The following ZNF782 variants were observed in gnomAD, a reference collection of about 807,000 sequenced individuals.
The protein encoded by ZNF782 is zinc finger protein 782.
In ZNF782, 12 loss-of-function variants were observed where a neutral mutation model predicts 13.0. The ratio of observed to expected loss-of-function variants is 0.92; its 90% CI spans 0.59 to 1.50. The LOEUF (loss-of-function observed/expected upper bound fraction) is 1.50, where lower values mean the gene tolerates loss of function less well. ZNF782 is among the 40% of genes most tolerant of loss of function. The pLI is 0.00. For missense variants in ZNF782, 770 were observed against 822.9 expected (o/e 0.94, Z 0.79); for synonymous variants, 284 against 283.0 (o/e 1.00, Z -0.04).
the ZNF782 span, among the ~76,000 whole-genome samples, chr9:96,884,625 C>T: frequency 2.6e-5 from 4 of 152,146 alleles, no homozygotes; most frequent in African/African-American, 9.7e-5. Flanking sequence ...TCAGAGGCAA[C>T]AAGGTGGTGT....
chr9:96,820,985 T>C (rs1850399339), intron 5 of ZNF782, among the ~76,000 whole-genome samples: 1 of 152,242 alleles, frequency 6.6e-6, no homozygotes, highest in Non-Finnish European at 1.5e-5. Context: ...TGCTAGTTTT[T>C]ATTGACTATG....
Position 96,818,278 on chromosome 9 carries a change from C to G in ZNF782, c.1745G>C (p.Arg582Thr). 6.2e-7 allele frequency: 1 copy of G among 1,614,016 alleles called. No individual in the cohort carries two copies. Among genetic ancestry groups the G allele is most frequent in the Non-Finnish European group, 8.5e-7 (1 of 1,179,996 alleles). The change falls in exon 6 of 6, where the codon AGA (arginine) becomes ACA (threonine). Residue 582 changes from arginine to threonine, a missense_variant. Arg to Thr is a moderately conservative substitution (Grantham distance 71, BLOSUM62 -1). Coordinates refer to ENST00000481138, the MANE Select transcript of ZNF782 (RefSeq NM_001001662.3). Reference protein sequence around the residue: ...SQKSNLRVHHRTHTGEKPYQC... With the variant: ...SQKSNLRVHHTTHTGEKPYQC... ...ATAGGGTTTCTCCCCAGTATGAGTT[C>G]TGTGATGTACTCTGAGGTTTGATTT...
the ZNF782 span, among the ~76,000 whole-genome samples, chr9:96,910,601 G>GA: frequency 2.1e-5 from 3 of 143,688 alleles, no homozygotes; most frequent in African/African-American, 7.7e-5. Context: ...AACAGGGGAG[G>GA]AAAAAACAAC....
At position 96,827,297 on chromosome 9, in the gene ZNF782, T is replaced by G. The variant is rs1850657729; in HGVS notation, c.143-116A>C. ...ATTCAGGGTGCTCACTGGACCTTCC[T>G]TGGGGAAGTAACCACAAAAAACATT... On this transcript the variant is annotated intron_variant, in intron 4 of 5. Transcript: ENST00000481138. 11 of 581,356 alleles carry G rather than the reference T, an allele frequency of 1.9e-5. No homozygotes were observed. In the South Asian group the frequency reaches 3.0e-4, roughly 16 times the overall value. The allele number at this position is 581,356 out of a possible 1,614,324, so 36.0% of individuals were successfully genotyped here. A position where few individuals can be genotyped will look rare whatever the true frequency, so the allele number is the denominator to read the frequency against.
intron 4 of ZNF782, among the ~76,000 whole-genome samples, chr9:96,829,889 C>T (rs946839983): frequency 3.9e-5 from 6 of 151,998 alleles, no homozygotes; most frequent in Admixed American, 1.3e-4. Flanking sequence ...GCATGTATAG[C>T]TAAAAACTAT....
At position 96,819,413 on chromosome 9, in the gene ZNF782, G is replaced by GAAT. The variant is rs1157680669; in HGVS notation, c.607_609dup (p.Ile203dup). ...CCCAGAGTCTGAATTGTCTGATGTT[G>GAAT]AATAACTTCCTCCTTATGATGGAGG... On this transcript the variant is annotated inframe_insertion, in exon 6 of 6. Coordinates refer to ENST00000481138, the MANE Select transcript of ZNF782 (RefSeq NM_001001662.3). 1.2e-6 allele frequency: 2 copies of GAAT among 1,610,532 alleles called. No individual in the cohort carries two copies. Among genetic ancestry groups the GAAT allele is most frequent in the Non-Finnish European group, 1.7e-6 (2 of 1,179,100 alleles).
intron 4 of ZNF782, among the ~76,000 whole-genome samples, chr9:96,827,528 G>A (rs1038897971): frequency 3.3e-5 from 5 of 151,908 alleles, no homozygotes; most frequent in Admixed American, 6.6e-5. Context: ...AGATAGAGTC[G>A]AATTCCTGGC....
At chr9:96,880,415 T>C (rs1025336348), upstream of ZNF782, among the ~76,000 whole-genome samples, 1 of 152,176 alleles carries the variant, frequency 6.6e-6, no homozygotes, top group African/African-American at 2.4e-5. Flanking sequence ...CTAGCTTTAG[T>C]TAATTTGTGG....
chr9:96,837,480 AAG>A, intron 4 of ZNF782, among the ~76,000 whole-genome samples: 1 of 152,174 alleles, frequency 6.6e-6, no homozygotes. Flanking sequence ...TTTTTTAAAA[AAG>A]AACTTTGGTT....
At chr9:96,833,704 C>T (rs1850884765) in intron 4 of ZNF782, among the ~76,000 whole-genome samples, 1 of 152,176 alleles carries the variant, frequency 6.6e-6, no homozygotes, top group Non-Finnish European at 1.5e-5. Context: ...AAGACTGTCA[C>T]CAGGCACAGT....
chr9:96,849,834 A>G (rs1434145672), intron 3 of ZNF782, among the ~76,000 whole-genome samples: 1 of 152,228 alleles, frequency 6.6e-6, no homozygotes, highest in African/African-American at 2.4e-5. Context: ...CCCATAAAAA[A>G]GTGGACAAAG....
At chr9:96,820,677 G>C (rs1312771205) in intron 5 of ZNF782, among the ~76,000 whole-genome samples, 1 of 151,932 alleles carries the variant, frequency 6.6e-6, no homozygotes, top group South Asian at 2.1e-4. Flanking sequence ...AGCCTCCCGA[G>C]TAGCTGGGAT....
upstream of ZNF782, chr9:96,875,705 C>T (rs1384724572): frequency 2.4e-6 from 1 of 415,440 alleles, no homozygotes; most frequent in Admixed American, 2.7e-5. Flanking sequence ...TGGGGTCCCC[C>T]CGGGCTTCCC....
chr9:96,874,891 A>G (rs528009370), intron 1 of ZNF782, among the ~76,000 whole-genome samples: 1 of 152,348 alleles, frequency 6.6e-6, no homozygotes, highest in South Asian at 2.1e-4. Flanking sequence ...AAACATAGAC[A>G]GCTTGGTAGT....
At chr9:96,894,754 G>C in the ZNF782 span, 9 of 152,046 alleles carry the variant, frequency 5.9e-5, no homozygotes, top group East Asian at 1.7e-3. Flanking sequence ...TTAGAGTCAG[G>C]GCTCACTCTA....
chr9:96,916,501 AAAG>A, the ZNF782 span, among the ~76,000 whole-genome samples: 6 of 152,030 alleles, frequency 3.9e-5, no homozygotes, highest in Non-Finnish European at 8.8e-5. Context: ...GGAAAAAAAA[AAAG>A]AAGTTCTTTC....
chr9:96,875,377 G>T, intron 1 of ZNF782: 2 of 428,098 alleles, frequency 4.7e-6, no homozygotes, highest in Admixed American at 5.1e-5. Flanking sequence ...ATTTACCTAA[G>T]TTTCAAAACA....
At chr9:96,911,499 G>GTTTTTTT in the ZNF782 span, among the ~76,000 whole-genome samples, 3 of 133,716 alleles carry the variant, frequency 2.2e-5, no homozygotes, top group East Asian at 5.0e-4. Context: ...TTTCTTACAA[G>GTTTTTTT]TTTTTTTTTT....
intron 4 of ZNF782, among the ~76,000 whole-genome samples, chr9:96,831,784 T>G (rs575129098): frequency 1.3e-5 from 2 of 152,284 alleles, no homozygotes; most frequent in Non-Finnish European, 2.9e-5. Flanking sequence ...AATAATTTTC[T>G]GTGCTCTGAA....
Sources: gnomAD v4.1 joint callset for allele counts (sites outside exome capture counted in the v4.1 genomes callset) on GRCh38, gnomAD v4.1.1 for gene constraint, MANE v1.5 for transcripts, NCBI Gene and HGNC (gene_info 2026-07-23, HGNC 2026-07-21) for gene names.